The following GLYATL2 variants were observed in gnomAD, a reference collection of about 807,000 sequenced individuals.
The protein encoded by GLYATL2 is glycine-N-acyltransferase like 2.
In GLYATL2, 25 loss-of-function variants were observed where a neutral mutation model predicts 21.4. That is an observed-to-expected ratio of 1.17 (90% CI 0.85 to 1.63). GLYATL2 has a LOEUF of 1.63. Ranked by LOEUF, GLYATL2 falls within the 40% of genes most tolerant of loss-of-function variation. The pLI, the probability that GLYATL2 is intolerant of heterozygous loss-of-function variation, is 0.00. For synonymous variants in GLYATL2, 114 were observed against 118.2 expected (o/e 0.96, Z 0.23); for missense variants, 361 against 343.3 (o/e 1.05, Z -0.41).
intron 1 of GLYATL2, among the ~76,000 whole-genome samples, chr11:58,854,565 G>A (rs963687942): frequency 4.6e-5 from 7 of 152,362 alleles, no homozygotes; most frequent in African/African-American, 1.4e-4. Context: ...TTATTTTAGT[G>A]TTGATGGCTG....
intron 1 of GLYATL2, among the ~76,000 whole-genome samples, chr11:58,903,531 G>A (rs979186682): frequency 5.9e-5 from 9 of 152,006 alleles, no homozygotes; most frequent in South Asian, 2.1e-4. Context: ...AAAGTATCCG[G>A]GCGTGGTGAC....
At chr11:58,861,726 C>T (rs1159997615) in intron 1 of GLYATL2, among the ~76,000 whole-genome samples, 1 of 151,832 alleles carries the variant, frequency 6.6e-6, no homozygotes, top group African/African-American at 2.4e-5. Context: ...TGTTGAGTTT[C>T]CATTTTTGCT....
chr11:58,897,451 T>C lies in GLYATL2; in HGVS notation n.60+6705A>G, dbSNP rs374908379. On this transcript the variant is annotated intron_variant and non_coding_transcript_variant, in intron 1 of 4. Coordinates refer to the GLYATL2 transcript ENST00000533636. ...AAAAACCTATAAGGGTGCCAACCTT[T>C]TAGAACTGTGTGTCTTCACAAGGAC... Among the ~76,000 whole-genome samples, 15 of 152,240 alleles carry C rather than the reference T, an allele frequency of 9.9e-5. 1 individual carries two copies. In the South Asian group the frequency reaches 3.1e-3, roughly 32 times the overall value.
At chr11:58,903,005 C>T (rs1430654168) in intron 1 of GLYATL2, among the ~76,000 whole-genome samples, 1 of 152,188 alleles carries the variant, frequency 6.6e-6, no homozygotes, top group African/African-American at 2.4e-5. Context: ...GGACCTATAG[C>T]TCTAGGTAGT....
upstream of GLYATL2, chr11:58,908,407 A>G (rs1854959232): frequency 6.3e-6 from 1 of 157,622 alleles, no homozygotes; most frequent in African/African-American, 2.4e-5. Context: ...AATAAATTCA[A>G]TCCTTGGTTC....
intron 1 of GLYATL2, among the ~76,000 whole-genome samples, chr11:58,881,762 A>C (rs1169380792): frequency 6.6e-6 from 1 of 151,912 alleles, no homozygotes; most frequent in Non-Finnish European, 1.5e-5. Flanking sequence ...GACAGGCCCC[A>C]GTGTGTGATG....
chr11:58,858,468 TAAA>T lies in GLYATL2; in HGVS notation n.61-20103_61-20101del, dbSNP rs5792132. ...TTAAAGATGAAGAATTGGGCTTTTT[TAAA>T]AAAAAAAAAAATTGGATCAAATAAG... On this transcript the variant is annotated intron_variant and non_coding_transcript_variant, in intron 1 of 4. Coordinates refer to the GLYATL2 transcript ENST00000533636. Among the ~76,000 whole-genome samples the T allele has an allele frequency of 4.9e-3, 736 of 151,134 alleles. 10 individuals are homozygous for T. Among genetic ancestry groups the T allele is most frequent in the African/African-American group, 0.015 (616 of 41,134 alleles).
chr11:58,869,338 T>C (rs1423864030), intron 1 of GLYATL2, among the ~76,000 whole-genome samples: 1 of 152,176 alleles, frequency 6.6e-6, no homozygotes, highest in African/African-American at 2.4e-5. Flanking sequence ...CTAAGCAGGG[T>C]CGGGCCAGGT....
intron 1 of GLYATL2, among the ~76,000 whole-genome samples, chr11:58,901,145 A>G (rs765835549): frequency 2.6e-5 from 4 of 152,208 alleles, no homozygotes; most frequent in South Asian, 2.1e-4. Flanking sequence ...AGATGCAAGT[A>G]AAAAAGCACC....
chr11:58,887,803 C>T (rs1854470159), intron 1 of GLYATL2, among the ~76,000 whole-genome samples: 2 of 152,140 alleles, frequency 1.3e-5, no homozygotes, highest in African/African-American at 4.8e-5. Context: ...CAATAAACAT[C>T]CTTGTATACA....
intron 1 of GLYATL2, chr11:58,885,680 C>CTG: frequency 4.2e-6 from 1 of 235,888 alleles, no homozygotes; most frequent in East Asian, 9.8e-5. Context: ...TACTTGGCAC[C>CTG]TTGCATGAGT....
chr11:58,882,949 G>C (rs1407568510), intron 1 of GLYATL2, among the ~76,000 whole-genome samples: 1 of 152,176 alleles, frequency 6.6e-6, no homozygotes, highest in Non-Finnish European at 1.5e-5. Context: ...TGCTGTTTTG[G>C]TTACTGTAGC....
intron 1 of GLYATL2, among the ~76,000 whole-genome samples, chr11:58,870,022 T>A (rs1854089797): frequency 6.6e-6 from 1 of 152,060 alleles, no homozygotes; most frequent in East Asian, 1.9e-4. Flanking sequence ...GTGGGAAGAT[T>A]GCTTGAGCCT....
intron 1 of GLYATL2, among the ~76,000 whole-genome samples, chr11:58,887,719 T>C (rs953823547): frequency 1.3e-5 from 2 of 152,224 alleles, no homozygotes; most frequent in Non-Finnish European, 2.9e-5. Flanking sequence ...GTCAATGCAA[T>C]GCTATTTAGG....
In GLYATL2 at chr11:58,836,998, A is replaced by G. The variant is rs1853442648; in HGVS notation, c.476+17T>C. 1 of 1,605,804 alleles carries G rather than the reference A, an allele frequency of 6.2e-7. No homozygotes were observed. The highest frequency in any genetic ancestry group is 8.5e-7 in the Non-Finnish European group (1 of 1,176,362). ...AATTCTATCAAGGAATTTGGGAAGC[A>G]AAAGGTAAAATCTCACTTGTTATCA... is the stretch of plus-strand genomic sequence containing the variant. On this transcript the variant is annotated intron_variant, in intron 5 of 5. Transcript: ENST00000287275.
intron 1 of GLYATL2, among the ~76,000 whole-genome samples, chr11:58,887,933 A>G (rs1319970212): frequency 1.3e-5 from 2 of 152,174 alleles, no homozygotes; most frequent in African/African-American, 4.8e-5. Context: ...AGGATTCCAC[A>G]GTTTTATTTC....
At chr11:58,866,213 T>C (rs1854021307) in intron 1 of GLYATL2, among the ~76,000 whole-genome samples, 1 of 148,924 alleles carries the variant, frequency 6.7e-6, no homozygotes, top group African/African-American at 2.4e-5. Flanking sequence ...TGTCAAGTTT[T>C]TCAACAGAGT....
At chr11:58,869,038 T>G (rs1323692707) in intron 1 of GLYATL2, among the ~76,000 whole-genome samples, 5,745 of 151,658 alleles carry the variant, frequency 0.038, 553 homozygotes, top group East Asian at 0.15. Context: ...GATGGTGGGA[T>G]CAGCTCCTCT....
chr11:58,874,552 T>G (rs1854190396), intron 1 of GLYATL2, among the ~76,000 whole-genome samples: 1 of 152,216 alleles, frequency 6.6e-6, no homozygotes, highest in African/African-American at 2.4e-5. Flanking sequence ...GTGTACCCAG[T>G]AGTCATTCAG....
Sources: allele counts gnomAD v4.1 joint callset (sites outside exome capture counted in the v4.1 genomes callset), GRCh38; gene constraint gnomAD v4.1.1; transcripts MANE v1.5; gene names NCBI Gene and HGNC (gene_info 2026-07-23, HGNC 2026-07-21).